LUZP1: variants seen among roughly 807,000 people sequenced by gnomAD.
LUZP1 encodes leucine zipper protein 1.
In LUZP1, 25 loss-of-function variants were observed where a neutral mutation model predicts 71.3. That is an observed-to-expected ratio of 0.35 (90% CI 0.26 to 0.49). LUZP1 has a LOEUF of 0.49. LUZP1 is among the 20% of genes least tolerant of loss of function. The probability of loss-of-function intolerance (pLI) is 0.99; values close to 1 mark genes in which losing one functional copy is unlikely to be tolerated. For synonymous variants in LUZP1, 481 were observed against 506.4 expected (o/e 0.95, Z 0.67); for missense variants, 1,142 against 1,300.8 (o/e 0.88, Z 1.88).
chr1:23,111,082 C>T (rs975303013), intron 2 of LUZP1, among the ~76,000 whole-genome samples: 5 of 151,708 alleles, frequency 3.3e-5, no homozygotes, highest in Non-Finnish European at 7.4e-5. Context: ...TGCCTATAAT[C>T]CCAGCTACTC....
intron 2 of LUZP1, among the ~76,000 whole-genome samples, chr1:23,134,650 G>A (rs896897452): frequency 2.6e-5 from 4 of 151,984 alleles, no homozygotes; most frequent in Non-Finnish European, 4.4e-5. Context: ...GCATGGTGGC[G>A]CACGCCTCTG....
chr1:23,145,462 T>C (rs1465866126), intron 2 of LUZP1, among the ~76,000 whole-genome samples: 1 of 151,444 alleles, frequency 6.6e-6, no homozygotes. Context: ...CAGATACTAT[T>C]AATCTCTTTT....
chr1:23,086,897 T>C (rs1232695796), exon 5 of LUZP1: 15 of 152,442 alleles, frequency 9.8e-5, no homozygotes, highest in Admixed American at 9.8e-4. Context: ...GAGCAATAGA[T>C]TCCTGTCCCT....
chr1:23,156,499 G>C (rs956931733), intron 2 of LUZP1, among the ~76,000 whole-genome samples: 2 of 152,166 alleles, frequency 1.3e-5, no homozygotes, highest in Non-Finnish European at 1.5e-5. Context: ...GACTAAACAT[G>C]TTCCTTTCTT....
chr1:23,176,932 A>G (rs968765075), intron 1 of LUZP1, among the ~76,000 whole-genome samples: 1 of 152,126 alleles, frequency 6.6e-6, no homozygotes, highest in Non-Finnish European at 1.5e-5. Flanking sequence ...CCCAGGCTGC[A>G]GTGCAGTGAC....
At chr1:23,133,846 GAAGTACACAGCAGCATCTATGT>G (rs1644233520) in intron 2 of LUZP1, among the ~76,000 whole-genome samples, 1 of 152,114 alleles carries the variant, frequency 6.6e-6, no homozygotes, top group Non-Finnish European at 1.5e-5. Context: ...AACACAAGGG[GAAGTACACAGCAGCATCTATGT>G]AATATTTCTT....
At chr1:23,170,655 C>T (rs896943697) in intron 1 of LUZP1, among the ~76,000 whole-genome samples, 3 of 151,676 alleles carry the variant, frequency 2.0e-5, no homozygotes, top group African/African-American at 4.8e-5. Flanking sequence ...TTAGTAGAGA[C>T]GGTGTTTCAC....
rs1383568389 is a variant in LUZP1 at position 23,089,067 on chromosome 1, T to C, written c.3073-14A>G. On this transcript the variant is annotated splice_polypyrimidine_tract_variant and intron_variant, in intron 4 of 4. Transcript: ENST00000302291. The stretch of plus-strand genomic sequence containing the variant: ...CCCTTCTTCCTCCTGTGCCAATAAA[T>C]AACAAAAGTGAGCTGTGGAGGTCAG... The C allele has an allele frequency of 8.7e-6, 14 of 1,612,496 alleles. No homozygotes were observed. The highest frequency in any genetic ancestry group is 1.2e-5 in the Non-Finnish European group (14 of 1,179,098).
At chr1:23,116,733 C>A (rs1203685250) in intron 2 of LUZP1, among the ~76,000 whole-genome samples, 1 of 152,136 alleles carries the variant, frequency 6.6e-6, no homozygotes, top group Non-Finnish European at 1.5e-5. Flanking sequence ...AGGGTACTAT[C>A]CTAGCACTGT....
At chr1:23,155,418 C>T (rs1204139572) in intron 2 of LUZP1, among the ~76,000 whole-genome samples, 1 of 152,182 alleles carries the variant, frequency 6.6e-6, no homozygotes, top group Non-Finnish European at 1.5e-5. Context: ...AAGGTCAAAT[C>T]CTAGCTTGGC....
chr1:23,115,833 C>T (rs555624296), intron 2 of LUZP1, among the ~76,000 whole-genome samples: 4 of 152,306 alleles, frequency 2.6e-5, no homozygotes, highest in South Asian at 2.1e-4. Context: ...TGAACCACCA[C>T]GCCCGGCCCT....
chr1:23,153,475 C>T (rs1644398995), intron 2 of LUZP1, among the ~76,000 whole-genome samples: 1 of 152,172 alleles, frequency 6.6e-6, no homozygotes, highest in African/African-American at 2.4e-5. Flanking sequence ...ACCACTTCAG[C>T]CTAAACTAAT....
chr1:23,123,796 AG>A (rs1323748623), intron 2 of LUZP1, among the ~76,000 whole-genome samples: 1 of 152,210 alleles, frequency 6.6e-6, no homozygotes, highest in East Asian at 1.9e-4. Flanking sequence ...CAACAGCACC[AG>A]GAAAATGCCA....
At chr1:23,138,691 GTGTGTGTATATATATATA>G (rs998154349) in intron 2 of LUZP1, among the ~76,000 whole-genome samples, 18 of 106,344 alleles carry the variant, frequency 1.7e-4, no homozygotes, top group African/African-American at 9.2e-4. Flanking sequence ...GTGTGTGTGT[GTGTGTGTATATATATATA>G]TATATAAATG....
chr1:23,167,056 C>A (rs1252315293), intron 2 of LUZP1, among the ~76,000 whole-genome samples: 2 of 152,134 alleles, frequency 1.3e-5, no homozygotes, highest in East Asian at 3.8e-4. Flanking sequence ...TAATCTGCCC[C>A]CAGGGGAATT....
chr1:23,148,859 A>G (rs1644361892), intron 2 of LUZP1, among the ~76,000 whole-genome samples: 1 of 150,644 alleles, frequency 6.6e-6, no homozygotes, highest in South Asian at 2.1e-4. Flanking sequence ...CCACGGTGAG[A>G]AGACCACTTG....
chr1:23,169,217 G>T (rs1306385673), intron 1 of LUZP1, among the ~76,000 whole-genome samples: 1 of 151,990 alleles, frequency 6.6e-6, no homozygotes, highest in Non-Finnish European at 1.5e-5. Flanking sequence ...AAATTAGCCG[G>T]GAGTGGTGGC....
intron 3 of LUZP1, among the ~76,000 whole-genome samples, chr1:23,106,097 C>T (rs541534372): frequency 6.6e-6 from 1 of 151,880 alleles, no homozygotes; most frequent in Non-Finnish European, 1.5e-5. Context: ...GAACTTGTAC[C>T]GATCGTTTAA....
At chr1:23,086,871 T>C (rs1433369936) in exon 5 of LUZP1, 1 of 152,548 alleles carries the variant, frequency 6.6e-6, no homozygotes, top group African/African-American at 2.4e-5. Flanking sequence ...GGCAAAACTC[T>C]GGGAAGCAGA....
Sources: gnomAD v4.1 joint callset for allele counts (sites outside exome capture counted in the v4.1 genomes callset) on GRCh38, gnomAD v4.1.1 for gene constraint, MANE v1.5 for transcripts, NCBI Gene and HGNC (gene_info 2026-07-23, HGNC 2026-07-21) for gene names.